Variants in CDC42SE2 observed in about 807,000 individuals in gnomAD.
CDC42SE2 encodes CDC42 small effector protein 2.
CDC42SE2 carries 3 observed loss-of-function variants against 11.5 expected under a neutral mutation model. The ratio of observed to expected loss-of-function variants is 0.26; its 90% confidence interval spans 0.12 to 0.67. The LOEUF (loss-of-function observed/expected upper bound fraction) is 0.67, where lower values mean the gene tolerates loss of function less well. Among genes scored for constraint, CDC42SE2 ranks in the 30% least tolerant of loss-of-function variants. CDC42SE2 has a pLI of 0.80. For missense variants in CDC42SE2, 82 were observed against 106.8 expected (o/e 0.77, Z 1.02); for synonymous variants, 33 against 34.8 (o/e 0.95, Z 0.18).
intron 3 of CDC42SE2, among the ~76,000 whole-genome samples, chr5:131,381,180 A>G (rs1750310042): frequency 6.6e-6 from 1 of 152,146 alleles, no homozygotes; most frequent in South Asian, 2.1e-4. Context: ...GGTGATTCTC[A>G]GTCTCTTATC....
intron 3 of CDC42SE2, among the ~76,000 whole-genome samples, chr5:131,368,719 A>C (rs1749932211): frequency 6.6e-6 from 1 of 152,194 alleles, no homozygotes; most frequent in Non-Finnish European, 1.5e-5. Context: ...CAGCTTCAAC[A>C]ACTTTAATTC....
chr5:131,351,958 T>C (rs543629861), intron 2 of CDC42SE2, among the ~76,000 whole-genome samples: 2 of 152,308 alleles, frequency 1.3e-5, no homozygotes, highest in Admixed American at 6.5e-5. Context: ...CATAGTAAGA[T>C]GACTGAATTT....
chr5:131,369,194 CTT>C (rs1749946404), intron 3 of CDC42SE2, among the ~76,000 whole-genome samples: 1 of 152,144 alleles, frequency 6.6e-6, no homozygotes, highest in African/African-American at 2.4e-5. Flanking sequence ...TGGTTGTAAT[CTT>C]TTGCGTTTTC....
At chr5:131,283,574 A>C (rs574267267) in intron 1 of CDC42SE2, among the ~76,000 whole-genome samples, 1 of 149,478 alleles carries the variant, frequency 6.7e-6, no homozygotes, top group East Asian at 2.0e-4. Context: ...GCCCACTGCA[A>C]CCTCTGCCTC....
intron 2 of CDC42SE2, among the ~76,000 whole-genome samples, chr5:131,321,842 T>C (rs1431221237): frequency 6.6e-6 from 1 of 152,046 alleles, no homozygotes; most frequent in East Asian, 1.9e-4. Flanking sequence ...ACATTAGAAA[T>C]GTTTTTTTTG....
intron 2 of CDC42SE2, among the ~76,000 whole-genome samples, chr5:131,333,948 C>A (rs1395174239): frequency 6.6e-6 from 1 of 152,112 alleles, no homozygotes. Context: ...GATTGAATAC[C>A]CTTTATTCCC....
At chr5:131,314,985 C>G (rs1758009523) in intron 1 of CDC42SE2, among the ~76,000 whole-genome samples, 1 of 152,020 alleles carries the variant, frequency 6.6e-6, no homozygotes, top group African/African-American at 2.4e-5. Flanking sequence ...AGAATCTGTT[C>G]AAGTTATGTG....
chr5:131,320,878 G>A (rs1758173404), intron 2 of CDC42SE2, among the ~76,000 whole-genome samples: 1 of 152,186 alleles, frequency 6.6e-6, no homozygotes, highest in Admixed American at 6.5e-5. Flanking sequence ...GATCAGTGGA[G>A]AAAATTATTT....
chr5:131,387,595 C>T (rs576579466), intron 4 of CDC42SE2, among the ~76,000 whole-genome samples: 14 of 152,016 alleles, frequency 9.2e-5, no homozygotes, highest in East Asian at 1.9e-4. Flanking sequence ...AATTTTAGTT[C>T]GTGGCATTTA....
intron 1 of CDC42SE2, among the ~76,000 whole-genome samples, chr5:131,309,714 A>G (rs1041324712): frequency 6.6e-6 from 1 of 151,048 alleles, no homozygotes; most frequent in Non-Finnish European, 1.5e-5. Context: ...TTTCTTCTAG[A>G]TTTTCTAGTT....
At chr5:131,260,214 CCTAA>C (rs980644957), upstream of CDC42SE2, among the ~76,000 whole-genome samples, 11 of 152,134 alleles carry the variant, frequency 7.2e-5, no homozygotes, top group South Asian at 2.1e-4. Flanking sequence ...TTTAGAGTCA[CCTAA>C]CTAATTATGC....
chr5:131,361,127 T>A (rs1004461212), intron 3 of CDC42SE2, among the ~76,000 whole-genome samples: 7 of 151,598 alleles, frequency 4.6e-5, no homozygotes, highest in African/African-American at 1.2e-4. Context: ...TTATTTATTT[T>A]TTTGAGATGG....
intron 2 of CDC42SE2, among the ~76,000 whole-genome samples, chr5:131,345,509 A>G (rs150861257): frequency 0.011 from 1,752 of 152,352 alleles, 39 homozygotes; most frequent in African/African-American, 0.037. Flanking sequence ...TGAAAAGACC[A>G]AATCTACATC....
upstream of CDC42SE2, among the ~76,000 whole-genome samples, chr5:131,241,609 C>T (rs537712099): frequency 2.4e-4 from 36 of 151,900 alleles, no homozygotes; most frequent in Non-Finnish European, 4.6e-4. Context: ...ATTGTCTTTC[C>T]CCTTTATTGA....
chr5:131,321,288 C>T (rs1411968138), intron 2 of CDC42SE2, among the ~76,000 whole-genome samples: 1 of 152,196 alleles, frequency 6.6e-6, no homozygotes, highest in Non-Finnish European at 1.5e-5. Flanking sequence ...AACAACTCAA[C>T]TTCCGTCTGT....
Position 131,391,004 on chromosome 5 carries a change from T to G in CDC42SE2, c.168T>G (p.Ile56Met). 6.2e-7 allele frequency: 1 copy of G among 1,611,174 alleles called. No homozygotes were observed. Among genetic ancestry groups the G allele is most frequent in the Non-Finnish European group, 8.5e-7 (1 of 1,178,022 alleles). ...LFSGMNSVSS[I>M]QNQMQSKGGY... is the part of the protein sequence containing the mutation. ...TTGTCTTGTTTTAGGTTAGCTCCATTCAGAACCAAATGCAGTCCAAGGGAG... is the reference window on the plus strand; with the variant it reads ...TTGTCTTGTTTTAGGTTAGCTCCATGCAGAACCAAATGCAGTCCAAGGGAG... Residue 56 changes from isoleucine (I) to methionine (M), a missense_variant, in exon 5 of 5, where the codon ATT becomes ATG. Physicochemically the swap from Ile to Met is conservative, Grantham distance 10. Transcript: ENST00000505065.
At chr5:131,268,855 A>G (rs933989503) in intron 1 of CDC42SE2, among the ~76,000 whole-genome samples, 1 of 149,598 alleles carries the variant, frequency 6.7e-6, no homozygotes, top group Non-Finnish European at 1.5e-5. Flanking sequence ...AGTTCAAGCA[A>G]CTGTCCTCCC....
intron 2 of CDC42SE2, among the ~76,000 whole-genome samples, chr5:131,323,076 C>G (rs568054285): frequency 7.2e-5 from 11 of 151,872 alleles, no homozygotes; most frequent in Non-Finnish European, 1.6e-4. Context: ...TGCCCAGGCT[C>G]GAGTATAATG....
intron 1 of CDC42SE2, among the ~76,000 whole-genome samples, chr5:131,272,646 T>A (rs1757018105): frequency 6.6e-6 from 1 of 152,190 alleles, no homozygotes; most frequent in Non-Finnish European, 1.5e-5. Context: ...TCTACTGGAT[T>A]ATCCCTATCA....
Sources: gnomAD v4.1 joint callset for allele counts (sites outside exome capture counted in the v4.1 genomes callset) on GRCh38, gnomAD v4.1.1 for gene constraint, MANE v1.5 for transcripts, NCBI Gene and HGNC (gene_info 2026-07-23, HGNC 2026-07-21) for gene names.